The following GMPS variants were observed in gnomAD, a reference collection of about 807,000 sequenced individuals.
The protein encoded by GMPS is GMP synthase [glutamine-hydrolyzing].
Under a neutral mutation model 77.9 loss-of-function variants are expected in GMPS, and 15 were observed. The ratio of observed to expected loss-of-function variants is 0.19; its 90% CI spans 0.13 to 0.30. The LOEUF (loss-of-function observed/expected upper bound fraction) is 0.30. Ranked by LOEUF, GMPS falls within the 10% of genes least tolerant of loss-of-function variation. GMPS has a pLI of 1.00. For synonymous variants in GMPS, 224 were observed against 275.9 expected (o/e 0.81, Z 1.86); for missense variants, 590 against 838.8 (o/e 0.70, Z 3.66).
At chr3:155,904,042 C>G (rs1208133575) in intron 4 of GMPS, 82 bp downstream of exon 4, 4 of 620,034 alleles carry the variant, frequency 6.5e-6, no homozygotes, top group Non-Finnish European at 1.1e-5. Context: ...ATTGGAGATT[C>G]TATAATTCAT....
intron 3 of GMPS, among the ~76,000 whole-genome samples, chr3:155,900,342 T>C (rs1006382125): frequency 6.6e-6 from 1 of 151,850 alleles, no homozygotes; most frequent in South Asian, 2.1e-4. Context: ...TGCACCCTGA[T>C]TGAGTTGAAT....
intron 1 of GMPS, among the ~76,000 whole-genome samples, chr3:155,884,388 G>GAAA (rs749938205): frequency 1.1e-5 from 1 of 88,538 alleles, no homozygotes; most frequent in Non-Finnish European, 2.4e-5. Flanking sequence ...TCTGCCTCCA[G>GAAA]AAAAAAAAAA....
At chr3:155,875,771 G>A (rs141631527) in intron 1 of GMPS, among the ~76,000 whole-genome samples, 3 of 152,134 alleles carry the variant, frequency 2.0e-5, no homozygotes, top group East Asian at 1.9e-4. Context: ...CAAGAAGGAC[G>A]GTGGTTAAAA....
chr3:155,909,891 A>T (rs1754984223), intron 5 of GMPS, among the ~76,000 whole-genome samples: 1 of 150,894 alleles, frequency 6.6e-6, no homozygotes, highest in Admixed American at 6.6e-5. Context: ...ATAGTGAGCT[A>T]TGATTACACC....
intron 15 of GMPS, among the ~76,000 whole-genome samples, 161 bp downstream of exon 15, chr3:155,936,671 T>C (rs1755773563): frequency 6.6e-6 from 1 of 152,080 alleles, no homozygotes. Flanking sequence ...ATTAATACAC[T>C]GGGGCAGAAA....
At chr3:155,935,350 T>C (rs1034298685) in intron 14 of GMPS, among the ~76,000 whole-genome samples, 1 of 152,048 alleles carries the variant, frequency 6.6e-6, no homozygotes, top group Non-Finnish European at 1.5e-5. Flanking sequence ...ACCTGGCTAG[T>C]TTTTTGTATT....
intron 10 of GMPS, among the ~76,000 whole-genome samples, chr3:155,921,710 T>C (rs374908369): frequency 2.0e-5 from 3 of 152,096 alleles, no homozygotes; most frequent in East Asian, 3.9e-4. Context: ...GAAGACTGCT[T>C]GAGCTCAGGA....
intron 12 of GMPS, among the ~76,000 whole-genome samples, chr3:155,925,603 A>G (rs989701170): frequency 6.6e-6 from 1 of 152,106 alleles, no homozygotes. Context: ...TTTTTTATAG[A>G]ATGTTTAGGG....
At chr3:155,888,726 C>T (rs1754396764) in intron 1 of GMPS, among the ~76,000 whole-genome samples, 2 of 152,080 alleles carry the variant, frequency 1.3e-5, no homozygotes, top group South Asian at 4.1e-4. Context: ...GCTGGGATCA[C>T]AGGCATGCAC....
In GMPS at chr3:155,940,346, G is replaced by A. The variant is rs1755859326; in HGVS notation, c.*2654G>A. On this transcript the variant is annotated 3_prime_UTR_variant, in exon 16 of 16. Coordinates refer to ENST00000496455, the MANE Select transcript of GMPS (RefSeq NM_003875.3). ...AGCCTGGCATAATTCCTAAATACAA[G>A]TCTGTAGATATATCCAGGAGATAGG... 5.0e-6 allele frequency: 1 copy of A among 201,480 alleles called. No homozygotes were observed. Among genetic ancestry groups the A allele is most frequent in the Non-Finnish European group, 1.0e-5 (1 of 98,074 alleles). 12.5% of individuals were successfully genotyped at this position (201,480 alleles called of 1,614,324 possible).
chr3:155,915,529 G>A (rs1043062777), intron 8 of GMPS, among the ~76,000 whole-genome samples: 7 of 152,184 alleles, frequency 4.6e-5, no homozygotes, highest in Admixed American at 3.9e-4. Flanking sequence ...AACTTCCTGA[G>A]TAGCTGGGAT....
At chr3:155,910,568 C>CAAAAAAAAAAAAAAAAAAAAA (rs772197752) in intron 5 of GMPS, 124 bp from the exon 6 acceptor site, 1 of 245,322 alleles carries the variant, frequency 4.1e-6, no homozygotes, top group Non-Finnish European at 6.9e-6. Context: ...GACTCTGTCT[C>CAAAAAAAAAAAAAAAAAAAAA]AAAAAAAAAA....
chr3:155,884,696 G>A (rs1754294594), intron 1 of GMPS, among the ~76,000 whole-genome samples: 2 of 152,160 alleles, frequency 1.3e-5, no homozygotes. Flanking sequence ...TACCCCTAGT[G>A]TTCATAATGT....
Position 155,942,939 on chromosome 3 carries a change from A to G in GMPS, c.*5247A>G, listed in dbSNP as rs1755927736. The stretch of plus-strand genomic sequence containing the variant: ...CAGCACCATCTTAATTGGCTCATTA[A>G]CATATTTGTGACCAGGCACAGTGGC... On this transcript the variant is annotated 3_prime_UTR_variant, in exon 16 of 16. Transcript: ENST00000496455. The G allele has an allele frequency of 5.2e-6, 1 of 190,780 alleles. No individual in the cohort carries two copies. Among genetic ancestry groups the G allele is most frequent in the Non-Finnish European group, 1.1e-5 (1 of 91,006 alleles). The allele number at this position is 190,780 out of a possible 1,614,324, so 11.8% of individuals were successfully genotyped here.
chr3:155,921,197 G>A (rs1755310016), intron 10 of GMPS, among the ~76,000 whole-genome samples: 1 of 152,192 alleles, frequency 6.6e-6, no homozygotes, highest in Admixed American at 6.5e-5. Context: ...AAGTTGCAGT[G>A]AGCTGAGATC....
chr3:155,870,573 C>T, upstream of GMPS: 1 of 361,558 alleles, frequency 2.8e-6, no homozygotes, highest in South Asian at 5.9e-5. Flanking sequence ...CGGAGGGTAT[C>T]TGAGGCTCGG....
chr3:155,939,287 G>T lies in GMPS; in HGVS notation c.*1595G>T. On this transcript the variant is annotated 3_prime_UTR_variant, in exon 16 of 16. Coordinates refer to ENST00000496455, the MANE Select transcript of GMPS (RefSeq NM_003875.3). ...TTACAGATTTAGAGTCATGTTATTT[G>T]AAAGCTAGAATAGACAACCTATAAA... 1 of 216,876 alleles carries T rather than the reference G, an allele frequency of 4.6e-6. No homozygotes were observed. Among genetic ancestry groups the T allele is most frequent in the Non-Finnish European group, 9.3e-6 (1 of 107,748 alleles). 13.4% of individuals were successfully genotyped at this position (216,876 alleles called of 1,614,324 possible).
chr3:155,903,723 A>C, intron 3 of GMPS, 140 bp from the exon 4 acceptor site: 1 of 500,634 alleles, frequency 2.0e-6, no homozygotes, highest in Non-Finnish European at 3.6e-6. Context: ...AATGGTCTAC[A>C]TTTATTAAAC....
Position 155,939,402 on chromosome 3 carries a change from CAGT to C in GMPS, c.*1713_*1715del. 4.9e-6 allele frequency: 1 copy of C among 205,614 alleles called. No individual in the cohort carries two copies. 12.7% of individuals were successfully genotyped at this position (205,614 alleles called of 1,614,324 possible). On this transcript the variant is annotated 3_prime_UTR_variant, in exon 16 of 16. Coordinates refer to ENST00000496455, the MANE Select transcript of GMPS (RefSeq NM_003875.3). ...TCTTATGATTTTGTATTGAAGCAAA[CAGT>C]AGGAATTTTGGAAAAATAGAGAGTA...
Sources: gnomAD v4.1 joint callset for allele counts (sites outside exome capture counted in the v4.1 genomes callset) on GRCh38, gnomAD v4.1.1 for gene constraint, MANE v1.5 for transcripts, NCBI Gene and HGNC (gene_info 2026-07-23, HGNC 2026-07-21) for gene names.